WDFY4: variants seen among roughly 807,000 people sequenced by gnomAD.
WDFY4 encodes the protein WD repeat- and FYVE domain-containing protein 4.
A neutral mutation model predicts 351.9 loss-of-function variants in WDFY4; 169 were observed. That is an observed-to-expected ratio of 0.48 (90% CI 0.42 to 0.55). The LOEUF (loss-of-function observed/expected upper bound fraction) is 0.55. Among genes scored for constraint, WDFY4 ranks in the 20% least tolerant of loss-of-function variants. The pLI, the probability that WDFY4 is intolerant of heterozygous loss-of-function variation, is 0.00. For missense variants in WDFY4, 3,803 were observed against 3,935.6 expected (o/e 0.97, Z 0.90); for synonymous variants, 1,622 against 1,574.6 (o/e 1.03, Z -0.71).
At chr10:48,706,965 C>T (rs541854402) in intron 1 of WDFY4, among the ~76,000 whole-genome samples, 1 of 152,186 alleles carries the variant, frequency 6.6e-6, no homozygotes, top group Admixed American at 6.5e-5. Flanking sequence ...GCTGTTTTGA[C>T]TACAAAGAAA....
intron 23 of WDFY4, among the ~76,000 whole-genome samples, chr10:48,793,756 T>C (rs1398897956): frequency 6.6e-6 from 1 of 152,216 alleles, no homozygotes; most frequent in Non-Finnish European, 1.5e-5. Flanking sequence ...AATGAATCCG[T>C]GAATGAAAAC....
intron 23 of WDFY4, among the ~76,000 whole-genome samples, chr10:48,794,868 A>G (rs959058409): frequency 5.3e-5 from 8 of 152,114 alleles, no homozygotes; most frequent in Non-Finnish European, 1.2e-4. Context: ...TGGCTGATGC[A>G]GGTTGAAAAG....
intron 25 of WDFY4, 70 bp from the exon 26 acceptor site, chr10:48,805,190 T>G: frequency 6.7e-7 from 1 of 1,493,540 alleles, no homozygotes; most frequent in South Asian, 1.3e-5. Flanking sequence ...AAAAACCTTT[T>G]TAGCAGAAAC....
intron 39 of WDFY4, among the ~76,000 whole-genome samples, chr10:48,843,428 A>G (rs1232819908): frequency 1.3e-5 from 2 of 152,224 alleles, no homozygotes; most frequent in Non-Finnish European, 2.9e-5. Context: ...TTGAGTAGGC[A>G]TAGCACTCCT....
intron 25 of WDFY4, among the ~76,000 whole-genome samples, chr10:48,804,442 G>A (rs2067185276): frequency 6.6e-6 from 1 of 151,946 alleles, no homozygotes; most frequent in Non-Finnish European, 1.5e-5. Context: ...CTTCTGGGTA[G>A]AGGAGCATCT....
intron 13 of WDFY4, among the ~76,000 whole-genome samples, chr10:48,763,841 G>A (rs1221704905): frequency 6.6e-6 from 1 of 152,208 alleles, no homozygotes; most frequent in Admixed American, 6.5e-5. Context: ...AGCTATTAAA[G>A]TTGGATAATT....
In WDFY4 at chr10:48,731,457, A is replaced by G; in HGVS notation, c.1477A>G (p.Ile493Val). 5.8e-6 allele frequency: 9 copies of G among 1,551,698 alleles called. No homozygotes were observed. The African/African-American group carries it at 6.8e-5, about 12-fold the overall frequency. ...TLMALQSILS[I>V]AGGDPLFTDI... ...CATGGCCCTGCAGAGCATCCTCAGC[A>G]TCGCTGGTGGGGACCCCCTCTTCAC... is the stretch of plus-strand genomic sequence containing the variant. The change falls in exon 9 of 62, where the codon ATC becomes GTC. Residue 493 changes from isoleucine (I) to valine (V), a missense_variant. By Grantham distance (29) the Ile-to-Val change is conservative. Transcript: ENST00000325239.
chr10:48,875,412 A>T (rs1386265964), intron 42 of WDFY4, among the ~76,000 whole-genome samples: 2 of 152,188 alleles, frequency 1.3e-5, no homozygotes, highest in African/African-American at 4.8e-5. Flanking sequence ...GAGATCTTAA[A>T]AGTATTCCCA....
chr10:48,767,338 C>G (rs1481776415), intron 13 of WDFY4, among the ~76,000 whole-genome samples: 1 of 152,210 alleles, frequency 6.6e-6, no homozygotes, highest in African/African-American at 2.4e-5. Context: ...CACGCCTGCT[C>G]CCTTCCCTTC....
Position 48,743,025 on chromosome 10 carries a change from G to A in WDFY4, c.1936G>A (p.Gly646Arg), listed in dbSNP as rs910357445. ...TCGTGCTGCCTTCAGAGTCTCCAGC[G>A]GGTTCAACGGGCTGCTGTCTCTGCT... Reference protein sequence around the residue: ...KGRAAFRVSSGFNGLLSLLSD... With the variant: ...KGRAAFRVSSRFNGLLSLLSD... The change falls in exon 12 of 62, where the codon GGG (glycine) becomes AGG (arginine). Residue 646 changes from glycine to arginine, a missense_variant. This residue lies in a region of WDFY4 where 261 missense variants were observed against 330.2 expected (regional missense o/e 0.79). Coordinates refer to ENST00000325239, the MANE Select transcript of WDFY4 (RefSeq NM_001394531.1). 2.1e-5 allele frequency: 32 copies of A among 1,551,328 alleles called. No individual in the cohort carries two copies. Among genetic ancestry groups the A allele is most frequent in the Non-Finnish European group, 2.7e-5 (31 of 1,146,992 alleles).
In WDFY4 at chr10:48,945,294, T is replaced by A. The variant is rs1200330915; in HGVS notation, c.7750-746T>A. 3.9e-5 allele frequency among the ~76,000 whole-genome samples: 6 copies of A among 152,248 alleles called. No individual in the cohort carries two copies. The East Asian group carries it at 9.6e-4, about 24-fold the overall frequency. On this transcript the variant is annotated intron_variant, in intron 49 of 61. Coordinates refer to ENST00000325239, the MANE Select transcript of WDFY4 (RefSeq NM_001394531.1). ...GGGAGGCTGAGGTGGGAGGATCACT[T>A]GAGCTCAGGAGGTCGAGGCTGCAGT...
chr10:48,965,826 A>ATCAGTTAGATATAGATTATATCTG (rs1564535055), intron 54 of WDFY4, among the ~76,000 whole-genome samples: 234 of 4,264 alleles, frequency 0.055, 1 homozygote, highest in Admixed American at 0.11. Context: ...GATTATATCT[A>ATCAGTTAGATATAGATTATATCTG]TACCAGTTAG....
Position 48,731,097 on chromosome 10 carries a change from T to C in WDFY4, c.1130-13T>C. The C allele has an allele frequency of 6.6e-7, 1 of 1,509,974 alleles. No homozygotes were observed. Among genetic ancestry groups the C allele is most frequent in the Non-Finnish European group, 8.9e-7 (1 of 1,124,074 alleles). 93.5% of individuals were successfully genotyped at this position (1,509,974 alleles called of 1,614,324 possible). On this transcript the variant is annotated splice_polypyrimidine_tract_variant and intron_variant, in intron 8 of 61. Transcript: ENST00000325239. ...GAAATGACTTGTAAGATCATTCTTG[T>C]TTTCCTCCTCAGGGGTGACTGTTAA... is the stretch of plus-strand genomic sequence containing the variant.
intron 43 of WDFY4, among the ~76,000 whole-genome samples, chr10:48,879,319 G>A (rs2070153794): frequency 6.6e-6 from 1 of 152,206 alleles, no homozygotes. Context: ...AGAGGCCAGG[G>A]CTACTGCTGG....
chr10:48,702,643 G>C (rs1251075401), intron 1 of WDFY4, among the ~76,000 whole-genome samples: 3 of 152,202 alleles, frequency 2.0e-5, no homozygotes, highest in Non-Finnish European at 4.4e-5. Context: ...TTCATTCTGT[G>C]AGGGGCATTT....
intron 43 of WDFY4, chr10:48,884,031 C>G (rs1326317683): frequency 6.6e-6 from 1 of 152,178 alleles, no homozygotes; most frequent in Non-Finnish European, 1.5e-5. Context: ...GGGGATGTCC[C>G]TTGTACAGCT....
At position 48,976,946 on chromosome 10, in the gene WDFY4, C is replaced by T; in HGVS notation, c.9258C>T (p.Ile3086=). The part of the protein sequence containing the change: ...MEGPAWDTSQ[I]IITGSQDGMV... ...GCCCAGCATGGGACACAAGCCAGAT[C>T]ATCATCACCGGGAGTCAAGACGGCA... Residue 3086 remains isoleucine, a synonymous_variant, in exon 59 of 62, where the codon ATC becomes ATT. Coordinates refer to ENST00000325239, the MANE Select transcript of WDFY4 (RefSeq NM_001394531.1). 1 of 1,503,686 alleles carries T rather than the reference C, an allele frequency of 6.7e-7. No individual in the cohort carries two copies. Among genetic ancestry groups the T allele is most frequent in the Non-Finnish European group, 8.9e-7 (1 of 1,120,502 alleles). 93.1% of individuals were successfully genotyped at this position (1,503,686 alleles called of 1,614,324 possible). A position where few individuals can be genotyped will look rare whatever the true frequency, so the allele number is the denominator to read the frequency against.
chr10:48,731,602 T>C lies in WDFY4; in HGVS notation c.1582+40T>C, dbSNP rs561717105. 144 of 1,526,452 alleles carry C rather than the reference T, an allele frequency of 9.4e-5. 1 individual carries two copies. The highest frequency in any genetic ancestry group is 1.2e-4 in the Non-Finnish European group (137 of 1,137,134). The allele number at this position is 1,526,452 out of a possible 1,614,324, so 94.6% of individuals were successfully genotyped here. Reference sequence around the variant, plus strand: ...ATTGGGAGGGATGGGCAGGGGTCAGTGTCAGCCAGGCCTGACCTTTGGGCC... The same window carrying C: ...ATTGGGAGGGATGGGCAGGGGTCAGCGTCAGCCAGGCCTGACCTTTGGGCC... On this transcript the variant is annotated intron_variant, in intron 9 of 61. Coordinates refer to ENST00000325239, the MANE Select transcript of WDFY4 (RefSeq NM_001394531.1).
chr10:48,935,915 A>C (rs1840331652), intron 47 of WDFY4, among the ~76,000 whole-genome samples: 1 of 128,618 alleles, frequency 7.8e-6, no homozygotes, highest in African/African-American at 2.7e-5. Context: ...TTTTTTTTTC[A>C]GTTTTTTTCT....
Sources: allele counts gnomAD v4.1 joint callset (sites outside exome capture counted in the v4.1 genomes callset), GRCh38; gene constraint gnomAD v4.1.1; regional missense constraint gnomAD v4.1.1; transcripts MANE v1.5; gene names NCBI Gene and HGNC (gene_info 2026-07-23, HGNC 2026-07-21).